The following ALK variants were observed in gnomAD, a reference collection of about 807,000 sequenced individuals.
ALK encodes the protein ALK receptor tyrosine kinase.
ALK carries 74 observed loss-of-function variants against 163.1 expected under a neutral mutation model. The ratio of observed to expected loss-of-function variants is 0.45; its 90% CI spans 0.38 to 0.55. The LOEUF is 0.55. Ranked by LOEUF, ALK falls within the 20% of genes least tolerant of loss-of-function variation. The pLI is 0.00. For missense variants in ALK, 2,063 were observed against 2,105.3 expected (o/e 0.98, Z 0.39); for synonymous variants, 960 against 843.2 (o/e 1.14, Z -2.40).
In ALK at chr2:29,814,457, G is replaced by A. The variant is rs969709897; in HGVS notation, c.668-96760C>T. 6.6e-5 allele frequency among the ~76,000 whole-genome samples: 10 copies of A among 151,846 alleles called. No individual in the cohort carries two copies. The South Asian group carries it at 1.9e-3, about 28-fold the overall frequency. On this transcript the variant is annotated intron_variant, in intron 1 of 28. Coordinates refer to ENST00000389048, the MANE Select transcript of ALK (RefSeq NM_004304.5). Reference sequence around the variant, plus strand: ...GGGCGGATCACGAGGTCAGGAGATCGAGACCATCCTGGCTAACACAGTGAA... The same window carrying A: ...GGGCGGATCACGAGGTCAGGAGATCAAGACCATCCTGGCTAACACAGTGAA...
intron 1 of ALK, among the ~76,000 whole-genome samples, chr2:29,775,330 T>C (rs1165108844): frequency 2.0e-5 from 3 of 152,202 alleles, no homozygotes; most frequent in Admixed American, 1.3e-4. Flanking sequence ...CTGAAGTCCA[T>C]AATTTCTGCT....
intron 4 of ALK, among the ~76,000 whole-genome samples, chr2:29,398,464 C>T (rs936896738): frequency 1.3e-5 from 2 of 152,148 alleles, no homozygotes; most frequent in African/African-American, 2.4e-5. Context: ...TTCCTGGACA[C>T]CCACTGTTTT....
At chr2:29,203,158 T>G (rs1669224201) in intron 26 of ALK, among the ~76,000 whole-genome samples, 1 of 152,100 alleles carries the variant, frequency 6.6e-6, no homozygotes, top group Admixed American at 6.5e-5. Context: ...GGACCACACT[T>G]AGAGATCCAC....
intron 1 of ALK, among the ~76,000 whole-genome samples, chr2:29,819,808 T>C (rs898736005): frequency 2.0e-5 from 3 of 152,334 alleles, no homozygotes; most frequent in African/African-American, 7.2e-5. Context: ...TAAAAGGTGT[T>C]ACTGGAAGTG....
Position 29,568,763 on chromosome 2 carries a change from C to A in ALK, c.953-36647G>T, listed in dbSNP as rs542967913. Among the ~76,000 whole-genome samples the A allele has an allele frequency of 2.6e-5, 4 of 152,300 alleles. No individual in the cohort carries two copies. In the East Asian group the frequency reaches 7.7e-4, roughly 29 times the overall value. On this transcript the variant is annotated intron_variant, in intron 3 of 28. Coordinates refer to ENST00000389048, the MANE Select transcript of ALK (RefSeq NM_004304.5). ...GGAATCTGAGAGAAGCTCTTCTCCC[C>A]TTTGGGGTCCTGTTTTGTCATCTAT... is the stretch of plus-strand genomic sequence containing the variant.
intron 3 of ALK, among the ~76,000 whole-genome samples, chr2:29,685,250 C>T (rs918825678): frequency 2.6e-5 from 4 of 152,064 alleles, no homozygotes; most frequent in South Asian, 2.1e-4. Flanking sequence ...TCATAGAAAC[C>T]GAGCCCTTGG....
At chr2:29,301,378 A>G (rs1666365009) in intron 8 of ALK, among the ~76,000 whole-genome samples, 1 of 152,188 alleles carries the variant, frequency 6.6e-6, no homozygotes, top group African/African-American at 2.4e-5. Context: ...AATTCCTTCA[A>G]GGCAGGGACT....
chr2:29,201,652 T>C (rs1204286641), intron 26 of ALK, among the ~76,000 whole-genome samples: 1 of 151,946 alleles, frequency 6.6e-6, no homozygotes, highest in Non-Finnish European at 1.5e-5. Flanking sequence ...CTGGGTGTGG[T>C]AGCACGCGTC....
intron 6 of ALK, among the ~76,000 whole-genome samples, chr2:29,326,711 T>G (rs1219768477): frequency 6.6e-6 from 1 of 152,260 alleles, no homozygotes; most frequent in Non-Finnish European, 1.5e-5. Flanking sequence ...TTGAAAGTTT[T>G]GTATAGAAAT....
chr2:29,755,950 A>C (rs116640500), intron 1 of ALK, among the ~76,000 whole-genome samples: 3,868 of 152,356 alleles, frequency 0.025, 78 homozygotes, highest in Non-Finnish European at 0.042. Context: ...AGTTTTAATA[A>C]GTACATGCAA....
chr2:29,915,918 A>T (rs972846483), intron 1 of ALK, among the ~76,000 whole-genome samples: 7 of 152,206 alleles, frequency 4.6e-5, no homozygotes, highest in Non-Finnish European at 1.0e-4. Flanking sequence ...CAGTAATTTC[A>T]AAATATTTGT....
intron 1 of ALK, among the ~76,000 whole-genome samples, chr2:29,901,148 T>TAGGCAAGTCACTTAACCC (rs1228266560): frequency 6.6e-6 from 1 of 152,204 alleles, no homozygotes; most frequent in Non-Finnish European, 1.5e-5. Flanking sequence ...TCATTTGACC[T>TAGGCAAGTCACTTAACCC]AGGCAAGTCA....
chr2:29,193,172 T>C lies in ALK; in HGVS notation c.*52A>G, dbSNP rs551779946. 3.2e-6 allele frequency: 5 copies of C among 1,585,558 alleles called. No individual in the cohort carries two copies. The South Asian group carries it at 5.6e-5, about 18-fold the overall frequency. On this transcript the variant is annotated 3_prime_UTR_variant, in exon 29 of 29. Transcript: ENST00000389048. ...TTGTGAAGGAGCCATTGCCTCTCTC[T>C]CCTCCACGGTCTTAGGGATCCCAAG...
At chr2:29,493,516 A>G (rs1270897941) in intron 4 of ALK, among the ~76,000 whole-genome samples, 1 of 152,200 alleles carries the variant, frequency 6.6e-6, no homozygotes, top group Non-Finnish European at 1.5e-5. Context: ...GTTGACTAGG[A>G]TGCTCTGTCT....
chr2:29,855,130 TACAGAAGGACTCAA>T (rs1666107076), intron 1 of ALK, among the ~76,000 whole-genome samples: 1 of 152,210 alleles, frequency 6.6e-6, no homozygotes, highest in African/African-American at 2.4e-5. Flanking sequence ...GGACCTGGCA[TACAGAAGGACTCAA>T]TCAATATTTA....
chr2:29,492,539 A>G (rs1671926511), intron 4 of ALK, among the ~76,000 whole-genome samples: 1 of 152,158 alleles, frequency 6.6e-6, no homozygotes, highest in Non-Finnish European at 1.5e-5. Flanking sequence ...AGTGCTGGAT[A>G]TGTCCAGGGC....
chr2:29,907,148 G>A (rs1338637643), intron 1 of ALK: 1 of 151,694 alleles, frequency 6.6e-6, no homozygotes, highest in East Asian at 1.9e-4. Flanking sequence ...AGCAGACAGG[G>A]CCCTAGATAT....
chr2:29,368,794 G>A (rs1332650099), intron 5 of ALK, among the ~76,000 whole-genome samples: 2 of 151,872 alleles, frequency 1.3e-5, no homozygotes, highest in African/African-American at 4.8e-5. Flanking sequence ...GTATCCCATG[G>A]ATCACTACTG....
chr2:29,807,163 G>C (rs1057154195), intron 1 of ALK, among the ~76,000 whole-genome samples: 1 of 152,176 alleles, frequency 6.6e-6, no homozygotes, highest in African/African-American at 2.4e-5. Flanking sequence ...GTGCTACCAA[G>C]AGCTCGCCTT....
Sources: allele counts gnomAD v4.1 joint callset (sites outside exome capture counted in the v4.1 genomes callset), GRCh38; gene constraint gnomAD v4.1.1; transcripts MANE v1.5; gene names NCBI Gene and HGNC (gene_info 2026-07-23, HGNC 2026-07-21).